TM4SF19: variants seen among roughly 807,000 people sequenced by gnomAD.
The protein encoded by TM4SF19 is transmembrane 4 L six family member 19, also known as transmembrane 4 L6 family member 19.
Under a neutral mutation model 21.8 loss-of-function variants are expected in TM4SF19, and 17 were observed. The ratio of observed to expected loss-of-function variants is 0.78; its 90% CI spans 0.53 to 1.17. TM4SF19 has a LOEUF of 1.17. Among genes scored for constraint, TM4SF19 ranks in the 50% most tolerant of loss-of-function variants. The pLI is 0.00. For missense variants in TM4SF19, 216 were observed against 252.1 expected (o/e 0.86, Z 0.97); for synonymous variants, 107 against 106.7 (o/e 1.00, Z -0.02).
chr3:196,333,934 G>A (rs1018743272), intron 1 of TM4SF19, among the ~76,000 whole-genome samples: 6 of 151,928 alleles, frequency 3.9e-5, no homozygotes, highest in Non-Finnish European at 5.9e-5. Flanking sequence ...GGTGGTGTGC[G>A]CCTGTAATCC....
At chr3:196,332,848 A>ATTTTTTT (rs544134464) in intron 1 of TM4SF19, among the ~76,000 whole-genome samples, 2 of 120,866 alleles carry the variant, frequency 1.7e-5, no homozygotes, top group Non-Finnish European at 3.4e-5. Context: ...TCAACTTACA[A>ATTTTTTT]TTTTTTTTTT....
chr3:196,333,588 G>A (rs982665599), intron 1 of TM4SF19, among the ~76,000 whole-genome samples: 1 of 152,172 alleles, frequency 6.6e-6, no homozygotes, highest in South Asian at 2.1e-4. Flanking sequence ...ATATTTCACA[G>A]CATGAAGAAT....
At chr3:196,332,056 G>T (rs562636577) in intron 1 of TM4SF19, among the ~76,000 whole-genome samples, 1 of 152,026 alleles carries the variant, frequency 6.6e-6, no homozygotes, top group Non-Finnish European at 1.5e-5. Context: ...GGATCACGAG[G>T]TCAGGAGTTT....
chr3:196,323,976 C>A lies in TM4SF19; in HGVS notation c.471G>T (p.Ser157=). The A allele has an allele frequency of 6.2e-7, 1 of 1,613,950 alleles. No homozygotes were observed. Among genetic ancestry groups the A allele is most frequent in the Non-Finnish European group, 8.5e-7 (1 of 1,180,000 alleles). ...GCTCCAGGCAGACGGAGTTCCAGAG[C>A]GAACGGTCATACAGATAATTCCTAT... ...LHSRNYLYDR[S]LWNSVCLEPS... is the part of the protein sequence containing the mutation. The change falls in exon 5 of 5, where the codon TCG becomes TCT. Residue 157 remains serine, a synonymous_variant. Coordinates refer to ENST00000273695, the MANE Select transcript of TM4SF19 (RefSeq NM_138461.4).
chr3:196,324,232 C>CTG, intron 4 of TM4SF19, 39 bp downstream of exon 4: 1 of 1,593,998 alleles, frequency 6.3e-7, no homozygotes, highest in South Asian at 1.1e-5. Context: ...CTCTCTCTCT[C>CTG]TGTCTGAAAA....
intron 1 of TM4SF19, among the ~76,000 whole-genome samples, chr3:196,333,358 T>C (rs994673901): frequency 1.3e-5 from 2 of 152,196 alleles, no homozygotes; most frequent in African/African-American, 4.8e-5. Flanking sequence ...TAATAAAGTT[T>C]AATTTATAAA....
intron 1 of TM4SF19, among the ~76,000 whole-genome samples, chr3:196,337,188 A>G (rs1394356019): frequency 6.7e-6 from 1 of 150,226 alleles, no homozygotes; most frequent in African/African-American, 2.5e-5. Flanking sequence ...CAGCCTCCCA[A>G]GTAGCTGGAA....
chr3:196,337,052 T>TTC (rs1491405173), intron 1 of TM4SF19, among the ~76,000 whole-genome samples: 5,479 of 16,770 alleles, frequency 0.33, 244 homozygotes, highest in South Asian at 0.5. Flanking sequence ...AAAGCAATTC[T>TTC]TTTTTTTTTT....
Position 196,323,853 on chromosome 3 carries a change from G to C in TM4SF19, c.594C>G (p.Ser198Arg), listed in dbSNP as rs1294254114. The C allele has an allele frequency of 6.2e-7, 1 of 1,614,186 alleles. No homozygotes were observed. The highest frequency in any genetic ancestry group is 8.5e-7 in the Non-Finnish European group (1 of 1,180,036). Residue 198 changes from serine to arginine, a missense_variant, in exon 5 of 5, where the codon AGC (serine) becomes AGG (arginine). Coordinates refer to ENST00000273695, the MANE Select transcript of TM4SF19 (RefSeq NM_138461.4). The part of the protein sequence containing the change: ...LLLVVVHVIN[S>R]LLGLFCSLCE... ...AGAGGCTGCAGAAAAGGCCCAGGAG[G>C]CTGTTGATGACATGAACGACCACCA...
intron 1 of TM4SF19, among the ~76,000 whole-genome samples, chr3:196,337,543 A>C (rs1423293615): frequency 3.3e-5 from 5 of 152,166 alleles, no homozygotes; most frequent in Admixed American, 1.3e-4. Flanking sequence ...TAAGAAGCAA[A>C]ATGGTGGAGT....
intron 3 of TM4SF19, 106 bp from the exon 4 acceptor site, chr3:196,324,546 T>G: frequency 8.4e-7 from 1 of 1,184,676 alleles, no homozygotes; most frequent in African/African-American, 1.5e-5. Context: ...GGGGAGTCTG[T>G]GGGGCGGTCT....
At chr3:196,331,542 C>T (rs1349126487) in intron 1 of TM4SF19, among the ~76,000 whole-genome samples, 2 of 151,908 alleles carry the variant, frequency 1.3e-5, no homozygotes, top group Non-Finnish European at 2.9e-5. Context: ...AATCCCAGCA[C>T]TTTGGGAGGC....
intron 1 of TM4SF19, among the ~76,000 whole-genome samples, chr3:196,330,136 C>T (rs901146983): frequency 3.8e-5 from 5 of 133,176 alleles, no homozygotes; most frequent in East Asian, 4.0e-4. Context: ...CCTCCCACCG[C>T]GCGCGGTGGT....
Position 196,327,398 on chromosome 3 carries a change from CTCCTCCCCAGAGCCCAGT to C in TM4SF19, c.175_192del (p.Thr59_Gly64del). On this transcript the variant is annotated inframe_deletion, in exon 2 of 5. Transcript: ENST00000273695. ...GAACCCCGGACACTTACCATGAGGC[CTCCTCCCCAGAGCCCAGT>C]TCCCAGCATGGCATGCCTGCCAAGG... 6.2e-7 allele frequency: 1 copy of C among 1,613,964 alleles called. No homozygotes were observed.
At chr3:196,324,031 C>G (rs368290835) in intron 4 of TM4SF19, 34 bp from the exon 5 acceptor site, 1 of 1,607,786 alleles carries the variant, frequency 6.2e-7, no homozygotes, top group South Asian at 1.1e-5. Context: ...AGGGGTCAGG[C>G]GATAAGTAAG....
intron 1 of TM4SF19, among the ~76,000 whole-genome samples, chr3:196,337,054 T>C (rs112711475): frequency 1.3e-3 from 110 of 85,906 alleles, no homozygotes; most frequent in South Asian, 8.8e-3. Flanking sequence ...AGCAATTCTT[T>C]TTTTTTTTTT....
At position 196,327,438 on chromosome 3, in the gene TM4SF19, A is replaced by G; in HGVS notation, c.153T>C (p.Leu51=). Residue 51 remains leucine, a synonymous_variant, in exon 2 of 5, where the codon CTT becomes CTC. Transcript: ENST00000273695. ...WDVTYLLRGL[L]GRHAMLGTGL... ...CAGTTCCCAGCATGGCATGCCTGCC[A>G]AGGAGGCCCCTCAACAGGTAGGTGA... is the stretch of plus-strand genomic sequence containing the variant. 1 of 1,614,178 alleles carries G rather than the reference A, an allele frequency of 6.2e-7. No individual in the cohort carries two copies. The highest frequency in any genetic ancestry group is 8.5e-7 in the Non-Finnish European group (1 of 1,180,020).
intron 1 of TM4SF19, among the ~76,000 whole-genome samples, chr3:196,332,069 G>A (rs1484151312): frequency 2.0e-5 from 3 of 151,922 alleles, no homozygotes; most frequent in African/African-American, 2.4e-5. Flanking sequence ...AGGAGTTTCC[G>A]ACCAACCTGG....
Position 196,323,669 on chromosome 3 carries a change from A to G in TM4SF19, c.*148T>C. 1 of 1,466,558 alleles carries G rather than the reference A, an allele frequency of 6.8e-7. No homozygotes were observed. Among genetic ancestry groups the G allele is most frequent in the South Asian group, 1.3e-5 (1 of 78,806 alleles). 90.8% of individuals were successfully genotyped at this position (1,466,558 alleles called of 1,614,324 possible). A position where few individuals can be genotyped will look rare whatever the true frequency, so the allele number is the denominator to read the frequency against. On this transcript the variant is annotated 3_prime_UTR_variant, in exon 5 of 5. Transcript: ENST00000273695. ...GATTTAAAATGCATTCTATCATTCC[A>G]CCGACCTGCAGTGAATTTTGTTGTC...
Sources: allele counts gnomAD v4.1 joint callset (sites outside exome capture counted in the v4.1 genomes callset), GRCh38; gene constraint gnomAD v4.1.1; transcripts MANE v1.5; gene names NCBI Gene and HGNC (gene_info 2026-07-23, HGNC 2026-07-21).